LRFN2: variants seen among roughly 807,000 people sequenced by gnomAD.
The protein encoded by LRFN2 is leucine-rich repeat and fibronectin type-III domain-containing protein 2.
LRFN2 carries 18 observed loss-of-function variants against 37.3 expected under a neutral mutation model. The observed-to-expected ratio is 0.48, with a 90% CI of 0.33 to 0.72. LRFN2 has a LOEUF of 0.72. Ranked by LOEUF, LRFN2 falls within the 30% of genes least tolerant of loss-of-function variation. The pLI is 0.02. For synonymous variants in LRFN2, 556 were observed against 466.6 expected (o/e 1.19, Z -2.47); for missense variants, 1,006 against 1,060.7 (o/e 0.95, Z 0.72).
rs1424529616 is a variant in LRFN2, at chr6:40,435,040, T to G, written c.-18-1909A>C. On this transcript the variant is annotated intron_variant, in intron 1 of 2. Coordinates refer to ENST00000338305, the MANE Select transcript of LRFN2 (RefSeq NM_020737.3). Reference sequence around the variant, plus strand: ...ATATATATATATATATATATATATATATATATATATATAGAGAGAGAGAGA... The same window carrying G: ...ATATATATATATATATATATATATAGATATATATATATAGAGAGAGAGAGA... Among the ~76,000 whole-genome samples the G allele has an allele frequency of 7.2e-3, 672 of 93,518 alleles. 5 individuals carry two copies. Among genetic ancestry groups the G allele is most frequent in the East Asian group, 0.035 (107 of 3,056 alleles). 61.4% of individuals were successfully genotyped at this position (93,518 alleles called of 152,430 possible).
At chr6:40,503,915 G>T (rs1366638687) in intron 1 of LRFN2, among the ~76,000 whole-genome samples, 2 of 151,992 alleles carry the variant, frequency 1.3e-5, no homozygotes, top group African/African-American at 4.8e-5. Flanking sequence ...GAAAGATGGG[G>T]TGAAGGCCCA....
At chr6:40,544,235 C>T (rs1195755682) in intron 1 of LRFN2, among the ~76,000 whole-genome samples, 1 of 152,240 alleles carries the variant, frequency 6.6e-6, no homozygotes, top group Non-Finnish European at 1.5e-5. Context: ...TCCTTCCTGA[C>T]CCACGGAAGT....
intron 1 of LRFN2, among the ~76,000 whole-genome samples, chr6:40,583,199 G>T (rs79747072): frequency 4.4e-5 from 2 of 45,062 alleles, no homozygotes; most frequent in South Asian, 6.2e-4. Flanking sequence ...TGTATATATA[G>T]ACATATATAT....
chr6:40,520,343 A>G (rs1242830326), intron 1 of LRFN2, among the ~76,000 whole-genome samples: 2 of 152,020 alleles, frequency 1.3e-5, no homozygotes, highest in African/African-American at 4.8e-5. Context: ...AGGTGCAGGG[A>G]GGGGGAGCAA....
chr6:40,557,234 G>A (rs1766907187), intron 1 of LRFN2, among the ~76,000 whole-genome samples: 1 of 152,184 alleles, frequency 6.6e-6, no homozygotes, highest in Admixed American at 6.5e-5. Context: ...GGATTCCAAG[G>A]AAGCAGAAGA....
chr6:40,552,885 T>C (rs1335115513), intron 1 of LRFN2, among the ~76,000 whole-genome samples: 1 of 152,242 alleles, frequency 6.6e-6, no homozygotes, highest in African/African-American at 2.4e-5. Flanking sequence ...AGAATAATTC[T>C]GTGTTGGAGT....
chr6:40,521,445 C>T (rs1314678128), intron 1 of LRFN2, among the ~76,000 whole-genome samples: 1 of 152,232 alleles, frequency 6.6e-6, no homozygotes, highest in South Asian at 2.1e-4. Flanking sequence ...ATACTAACAG[C>T]CTGTTATTAA....
intron 1 of LRFN2, among the ~76,000 whole-genome samples, chr6:40,480,168 G>GA (rs1764795090): frequency 6.6e-6 from 1 of 152,188 alleles, no homozygotes; most frequent in African/African-American, 2.4e-5. Flanking sequence ...CTGTTTCTCA[G>GA]ATGAGGAAAT....
intron 2 of LRFN2, among the ~76,000 whole-genome samples, chr6:40,421,414 T>C (rs975226631): frequency 1.3e-5 from 2 of 152,190 alleles, no homozygotes; most frequent in Non-Finnish European, 2.9e-5. Flanking sequence ...TCAATACATG[T>C]AAGATGTACA....
intron 1 of LRFN2, among the ~76,000 whole-genome samples, chr6:40,510,940 G>A (rs1274330983): frequency 2.6e-5 from 4 of 152,156 alleles, no homozygotes; most frequent in African/African-American, 7.2e-5. Context: ...GAGATAGGGA[G>A]GGGAAGCCAG....
intron 2 of LRFN2, among the ~76,000 whole-genome samples, chr6:40,413,499 G>A (rs749836700): frequency 9.2e-5 from 14 of 152,214 alleles, no homozygotes; most frequent in Non-Finnish European, 1.9e-4. Context: ...CCAGGCCTGT[G>A]CTGTCTCTAG....
intron 1 of LRFN2, among the ~76,000 whole-genome samples, chr6:40,534,296 T>C (rs959493977): frequency 2.0e-5 from 3 of 152,148 alleles, no homozygotes; most frequent in African/African-American, 7.2e-5. Flanking sequence ...TTGGGGGTCA[T>C]GGACTCTTAT....
At chr6:40,443,906 A>G (rs1763904058) in intron 1 of LRFN2, among the ~76,000 whole-genome samples, 1 of 152,144 alleles carries the variant, frequency 6.6e-6, no homozygotes. Context: ...GCCATGGGAG[A>G]AGAGTTGTCC....
chr6:40,519,810 C>T (rs1280500169), intron 1 of LRFN2, among the ~76,000 whole-genome samples: 1 of 152,136 alleles, frequency 6.6e-6, no homozygotes, highest in Admixed American at 6.5e-5. Context: ...GGAAAGAAAG[C>T]GTTCCCAGAG....
rs1201436915 is a variant in LRFN2, at chr6:40,538,764, C to A, written c.-19+48177G>T. The stretch of plus-strand genomic sequence containing the variant: ...ACCTGCCCCCGGTCTCAGATATGCC[C>A]GTTGTGTGTCAGGTCCAGGACTGGG... On this transcript the variant is annotated intron_variant, in intron 1 of 2. Transcript: ENST00000338305. Among the ~76,000 whole-genome samples, 4 of 152,298 alleles carry A rather than the reference C, an allele frequency of 2.6e-5. 1 individual carries two copies. In the East Asian group the frequency reaches 7.7e-4, roughly 29 times the overall value.
intron 1 of LRFN2, among the ~76,000 whole-genome samples, chr6:40,561,497 T>C (rs2113930059): frequency 6.6e-6 from 1 of 152,272 alleles, no homozygotes; most frequent in South Asian, 2.1e-4. Flanking sequence ...GCTGGCCTAC[T>C]GGGCAAACAA....
chr6:40,517,781 G>A (rs1040482899), intron 1 of LRFN2, among the ~76,000 whole-genome samples: 1 of 152,172 alleles, frequency 6.6e-6, no homozygotes, highest in Non-Finnish European at 1.5e-5. Context: ...ATGGCATAGT[G>A]TGTACGTGGC....
intron 2 of LRFN2, among the ~76,000 whole-genome samples, chr6:40,419,476 T>G (rs1227800585): frequency 6.6e-6 from 1 of 152,164 alleles, no homozygotes; most frequent in Non-Finnish European, 1.5e-5. Flanking sequence ...TGAAGCCAAG[T>G]GCAGTCCTGC....
intron 2 of LRFN2, among the ~76,000 whole-genome samples, chr6:40,420,596 T>C (rs1763204669): frequency 6.6e-6 from 1 of 152,246 alleles, no homozygotes; most frequent in African/African-American, 2.4e-5. Context: ...GTGGCCATCA[T>C]ACGCCTCCCC....
Sources: allele counts gnomAD v4.1 joint callset (sites outside exome capture counted in the v4.1 genomes callset), GRCh38; gene constraint gnomAD v4.1.1; transcripts MANE v1.5; gene names NCBI Gene and HGNC (gene_info 2026-07-23, HGNC 2026-07-21).